Variants in MSH5 observed in about 807,000 individuals in gnomAD.
The protein encoded by MSH5 is mutS protein homolog 5.
A neutral mutation model predicts 107.7 loss-of-function variants in MSH5; 78 were observed. The observed-to-expected ratio is 0.72, with a 90% CI of 0.60 to 0.87. The LOEUF (loss-of-function observed/expected upper bound fraction) is 0.87, where lower values mean the gene tolerates loss of function less well. MSH5 is among the 40% of genes least tolerant of loss of function. MSH5 has a pLI of 0.00. For missense variants in MSH5, 889 were observed against 1,046.6 expected (o/e 0.85, Z 2.08); for synonymous variants, 326 against 399.5 (o/e 0.82, Z 2.19).
At chr6:31,754,711 A>G (rs1194129726) in intron 12 of MSH5, among the ~76,000 whole-genome samples, 2 of 146,808 alleles carry the variant, frequency 1.4e-5, no homozygotes, top group African/African-American at 5.0e-5. Context: ...CCCAGCCATT[A>G]TATCATTTCA....
At chr6:31,750,060 G>C (rs1326348572) in intron 10 of MSH5, among the ~76,000 whole-genome samples, 1 of 152,128 alleles carries the variant, frequency 6.6e-6, no homozygotes, top group Non-Finnish European at 1.5e-5. Context: ...ACAGATGGGA[G>C]GGAGAGAATT....
At position 31,761,632 on chromosome 6, in the gene MSH5, A is replaced by G. The variant is rs1473306929; in HGVS notation, c.2181+17A>G. On this transcript the variant is annotated intron_variant, in intron 22 of 24. Coordinates refer to ENST00000375750, the MANE Select transcript of MSH5 (RefSeq NM_172166.4). The surrounding 1 kb of genome is among the most constrained non-coding windows in gnomAD (Gnocchi z 5.3). The stretch of plus-strand genomic sequence containing the variant: ...CAGTATTTGGTGAGGAGACCAATCT[A>G]GCTCCTCGGGGACCCCCAGGCTGGG... The G allele has an allele frequency of 6.2e-7, 1 of 1,613,930 alleles. No individual in the cohort carries two copies. The highest frequency in any genetic ancestry group is 8.5e-7 in the Non-Finnish European group (1 of 1,180,042).
intron 4 of MSH5, 56 bp downstream of exon 4, chr6:31,743,013 T>C (rs1482276270): frequency 1.5e-5 from 24 of 1,609,622 alleles, no homozygotes; most frequent in Non-Finnish European, 1.7e-5. Context: ...ATATGGAATA[T>C]TCCAGGGGGC....
At position 31,760,699 on chromosome 6, in the gene MSH5, A is replaced by T; in HGVS notation, c.1822A>T (p.Ile608Phe). ...CTCCTTCCCTATTCAGGTAGGCTTG[A>T]TCACATTCATGGCCCTGGTAGGCAG... Reference protein sequence around the residue: ...KSIYLKQVGLITFMALVGSFV... With the variant: ...KSIYLKQVGLFTFMALVGSFV... Residue 608 changes from isoleucine to phenylalanine, a missense_variant, in exon 20 of 25, where the codon ATC (isoleucine) becomes TTC (phenylalanine). Ile to Phe is a conservative substitution (Grantham distance 21). Around this residue, in one of 3 missense-constraint regions of MSH5, gnomAD observed 362 missense variants for 456.2 expected, o/e 0.79. Coordinates refer to ENST00000375750, the MANE Select transcript of MSH5 (RefSeq NM_172166.4). The surrounding 1 kb of genome is among the most constrained non-coding windows in gnomAD (Gnocchi z 5.6). 1.2e-6 allele frequency: 2 copies of T among 1,613,022 alleles called. No homozygotes were observed. The highest frequency in any genetic ancestry group is 8.5e-7 in the Non-Finnish European group (1 of 1,180,048).
intron 23 of MSH5, 77 bp downstream of exon 23, chr6:31,762,032 G>C: frequency 1.2e-6 from 2 of 1,612,472 alleles, no homozygotes; most frequent in Non-Finnish European, 1.7e-6. Flanking sequence ...CCTGGGTCTA[G>C]GTCCACAGGA....
At position 31,761,651 on chromosome 6, in the gene MSH5, G is replaced by A. The variant is rs1483988552; in HGVS notation, c.2181+36G>A. The A allele has an allele frequency of 1.9e-6, 3 of 1,613,730 alleles. No individual in the cohort carries two copies. Among genetic ancestry groups the A allele is most frequent in the Non-Finnish European group, 2.5e-6 (3 of 1,180,022 alleles). ...CAATCTAGCTCCTCGGGGACCCCCA[G>A]GCTGGGCATTTCCCAGAGGTGGGGA... On this transcript the variant is annotated intron_variant, in intron 22 of 24. Transcript: ENST00000375750. This position sits in a 1 kb window ranked among gnomAD's most constrained non-coding sequence, Gnocchi z 5.3.
At position 31,758,339 on chromosome 6, in the gene MSH5, G is replaced by C. The variant is rs757346084; in HGVS notation, c.1143+46G>C. ...AGTGCACCCAGGGAGGTCAGGGAGAGAGAATGCAGTGTGCAAGATGGGGAA... is the reference window on the plus strand; with the variant it reads ...AGTGCACCCAGGGAGGTCAGGGAGACAGAATGCAGTGTGCAAGATGGGGAA... On this transcript the variant is annotated intron_variant, in intron 13 of 24. Transcript: ENST00000375750. The surrounding 1 kb of genome is among the most constrained non-coding windows in gnomAD (Gnocchi z 5.1). The C allele has an allele frequency of 6.2e-7, 1 of 1,607,406 alleles. No individual in the cohort carries two copies. The highest frequency in any genetic ancestry group is 1.7e-5 in the Admixed American group (1 of 59,854).
chr6:31,760,554 GAGTC>G lies in MSH5; in HGVS notation c.1813-132_1813-129del. 1.7e-6 allele frequency: 2 copies of G among 1,167,760 alleles called. No individual in the cohort carries two copies. Among genetic ancestry groups the G allele is most frequent in the Non-Finnish European group, 2.5e-6 (2 of 801,178 alleles). 72.3% of individuals were successfully genotyped at this position (1,167,760 alleles called of 1,614,324 possible). A position where few individuals can be genotyped will look rare whatever the true frequency, so the allele number is the denominator to read the frequency against. On this transcript the variant is annotated intron_variant, in intron 19 of 24. Coordinates refer to ENST00000375750, the MANE Select transcript of MSH5 (RefSeq NM_172166.4). The surrounding 1 kb of genome is among the most constrained non-coding windows in gnomAD (Gnocchi z 5.6). ...GGTCAGGATTCGGGGAGGAGAGACA[GAGTC>G]AGTGTGTCTGTTACCTATTTCTCCT...
rs144385463 is a variant in MSH5 at position 31,743,359 on chromosome 6, T to C, written c.415+189T>C. On this transcript the variant is annotated intron_variant, in intron 5 of 24. Transcript: ENST00000375750. ...TACCCTTTAATAACCTGCAGCTTAT[T>C]GGGAAGCCTCTGCTTAAGTCATGTC... The C allele has an allele frequency of 1.1e-3, 724 of 639,256 alleles. 2 individuals carry two copies. The highest frequency in any genetic ancestry group is 0.011 in the Admixed American group (384 of 35,700). The allele number at this position is 639,256 out of a possible 1,614,324, so 39.6% of individuals were successfully genotyped here. A position where few individuals can be genotyped will look rare whatever the true frequency, so the allele number is the denominator to read the frequency against.
Position 31,759,118 on chromosome 6 carries a change from C to T in MSH5, c.1348C>T (p.Pro450Ser), listed in dbSNP as rs568198414. 13 of 1,612,952 alleles carry T rather than the reference C, an allele frequency of 8.1e-6. No individual in the cohort carries two copies. In the East Asian group the frequency reaches 1.8e-4, roughly 22 times the overall value. Reference sequence around the variant, plus strand: ...CCAGATTGGCTTCCTTCTTTCTATTCCCCGCCTGCCTTCCATGGTAGAGGC... The same window carrying T: ...CCAGATTGGCTTCCTTCTTTCTATTTCCCGCCTGCCTTCCATGGTAGAGGC... ...IPLIGFLLSI[P>S]RLPSMVEASD... is the part of the protein sequence containing the mutation. Residue 450 changes from proline to serine, a missense_variant, in exon 16 of 25, where the codon CCC (proline) becomes TCC (serine). Around this residue, in one of 3 missense-constraint regions of MSH5, gnomAD observed 518 missense variants for 565.0 expected, o/e 0.92. Transcript: ENST00000375750. The surrounding 1 kb of genome is among the most constrained non-coding windows in gnomAD (Gnocchi z 4.7).
chr6:31,755,907 G>A (rs1005852758), intron 12 of MSH5, among the ~76,000 whole-genome samples: 1 of 151,874 alleles, frequency 6.6e-6, no homozygotes, highest in African/African-American at 2.4e-5. Flanking sequence ...GAAGAAACTA[G>A]ATTATTATTT....
chr6:31,758,990 AC>A lies in MSH5; in HGVS notation c.1327-106del. The A allele has an allele frequency of 7.1e-7, 1 of 1,412,104 alleles. No homozygotes were observed. Among genetic ancestry groups the A allele is most frequent in the Non-Finnish European group, 1.0e-6 (1 of 998,492 alleles). 87.5% of individuals were successfully genotyped at this position (1,412,104 alleles called of 1,614,324 possible). On this transcript the variant is annotated intron_variant, in intron 15 of 24. Transcript: ENST00000375750. The surrounding 1 kb of genome is among the most constrained non-coding windows in gnomAD (Gnocchi z 5.1). The stretch of plus-strand genomic sequence containing the variant: ...GTGGGGCAGCCTGAAGAACATGAAC[AC>A]TTTTTTGTGGGGATACAGGGATCTT...
intron 10 of MSH5, 21 bp from the exon 11 acceptor site, chr6:31,753,280 C>T (rs374706930): frequency 1.9e-6 from 3 of 1,582,590 alleles, no homozygotes; most frequent in African/African-American, 2.7e-5. Context: ...GTAGTACCCC[C>T]ACCCAAACCC....
Position 31,740,327 on chromosome 6 carries a change from G to C in MSH5, c.-13-127G>C. On this transcript the variant is annotated intron_variant, in intron 1 of 24. Transcript: ENST00000375750. The surrounding 1 kb of genome is among the most constrained non-coding windows in gnomAD (Gnocchi z 4.4). ...ACCTCCTGTGTCCACAGCTCTCCAC[G>C]CCCCTCAGCCCTGCCCCGCAGCCCT... 1 of 928,660 alleles carries C rather than the reference G, an allele frequency of 1.1e-6. No homozygotes were observed. The highest frequency in any genetic ancestry group is 1.6e-6 in the Non-Finnish European group (1 of 640,808). 57.5% of individuals were successfully genotyped at this position (928,660 alleles called of 1,614,324 possible).
intron 9 of MSH5, chr6:31,746,463 GA>G (rs1160448746): frequency 6.7e-6 from 1 of 149,886 alleles, no homozygotes; most frequent in Non-Finnish European, 1.5e-5. Context: ...TTTTTAGATG[GA>G]ATCTTGCTGT....
intron 10 of MSH5, among the ~76,000 whole-genome samples, chr6:31,751,816 T>C (rs1159325407): frequency 1.3e-5 from 2 of 151,680 alleles, no homozygotes; most frequent in African/African-American, 4.8e-5. Context: ...GTAATACAAA[T>C]GGCCAGGCGC....
chr6:31,760,984 A>T lies in MSH5; in HGVS notation c.1962+145A>T, dbSNP rs1810936811. On this transcript the variant is annotated intron_variant, in intron 20 of 24. Coordinates refer to ENST00000375750, the MANE Select transcript of MSH5 (RefSeq NM_172166.4). The surrounding 1 kb of genome is among the most constrained non-coding windows in gnomAD (Gnocchi z 5.6). ...AGCACTAAGGTCAGAGATAAGAAGA[A>T]TCAATACCATAAACATTTCTTGAAC... 9.1e-6 allele frequency: 10 copies of T among 1,099,106 alleles called. No homozygotes were observed. In the East Asian group the frequency reaches 2.6e-4, roughly 29 times the overall value. The allele number at this position is 1,099,106 out of a possible 1,614,324, so 68.1% of individuals were successfully genotyped here.
chr6:31,753,179 C>A, intron 10 of MSH5, 122 bp from the exon 11 acceptor site: 1 of 1,241,378 alleles, frequency 8.1e-7, no homozygotes, highest in Non-Finnish European at 1.1e-6. Context: ...ACTACATTCC[C>A]ATAGCACATC....
chr6:31,759,856 A>G lies in MSH5; in HGVS notation c.1566A>G (p.Val522=), dbSNP rs754487229. ...VLARAAVLTR[V]LDLASRLDVL... ...CACGAGCAGCTGTCTTAACCCGAGT[A>G]TTGGACCTTGCCTCCCGCCTGGACG... Residue 522 remains valine, a synonymous_variant, in exon 18 of 25, where the codon GTA becomes GTG. Coordinates refer to ENST00000375750, the MANE Select transcript of MSH5 (RefSeq NM_172166.4). This position sits in a 1 kb window ranked among gnomAD's most constrained non-coding sequence, Gnocchi z 4.7. 6.8e-6 allele frequency: 11 copies of G among 1,614,028 alleles called. No individual in the cohort carries two copies. Among genetic ancestry groups the G allele is most frequent in the Admixed American group, 6.7e-5 (4 of 60,006 alleles).
Sources: allele counts gnomAD v4.1 joint callset (sites outside exome capture counted in the v4.1 genomes callset), GRCh38; gene constraint gnomAD v4.1.1; regional missense constraint gnomAD v4.1.1; non-coding constraint Gnocchi (gnomAD v3.1); transcripts MANE v1.5; gene names NCBI Gene and HGNC (gene_info 2026-07-23, HGNC 2026-07-21).